The following NLGN1 variants were observed in gnomAD, a reference collection of about 807,000 sequenced individuals.
The protein encoded by NLGN1 is neuroligin-1.
NLGN1 carries 12 observed loss-of-function variants against 65.5 expected under a neutral mutation model. The observed-to-expected ratio is 0.18, with a 90% CI of 0.12 to 0.30. The LOEUF (loss-of-function observed/expected upper bound fraction) is 0.30. Ranked by LOEUF, NLGN1 falls within the 10% of genes least tolerant of loss-of-function variation. NLGN1 has a pLI of 1.00. For missense variants in NLGN1, 750 were observed against 1,007.1 expected (o/e 0.74, Z 3.46); for synonymous variants, 350 against 359.5 (o/e 0.97, Z 0.30).
intron 2 of NLGN1, among the ~76,000 whole-genome samples, chr3:173,484,534 G>A (rs951429783): frequency 6.6e-6 from 1 of 151,728 alleles, no homozygotes; most frequent in Non-Finnish European, 1.5e-5. Flanking sequence ...TAGATGCAAT[G>A]CATATTTCTC....
chr3:173,591,088 T>G (rs1025986433), intron 2 of NLGN1, among the ~76,000 whole-genome samples: 1 of 152,162 alleles, frequency 6.6e-6, no homozygotes, highest in African/African-American at 2.4e-5. Context: ...TTAAGATCTT[T>G]TTCCATTTTG....
intron 3 of NLGN1, among the ~76,000 whole-genome samples, chr3:173,712,322 TAGAA>T (rs1340348331): frequency 6.6e-6 from 1 of 152,142 alleles, no homozygotes; most frequent in East Asian, 1.9e-4. Flanking sequence ...TATGAAGTAA[TAGAA>T]AGGGGATTTA....
intron 3 of NLGN1, among the ~76,000 whole-genome samples, chr3:173,780,818 T>G (rs1450035663): frequency 1.3e-5 from 2 of 152,126 alleles, no homozygotes; most frequent in African/African-American, 4.8e-5. Context: ...ATTTTAATGA[T>G]GAAAATAATA....
intron 4 of NLGN1, among the ~76,000 whole-genome samples, chr3:174,173,113 G>A (rs1728847899): frequency 2.0e-5 from 3 of 151,786 alleles, no homozygotes; most frequent in South Asian, 2.1e-4. Context: ...TTTTTCAGAT[G>A]GTTGGCTGTT....
At chr3:173,467,650 T>C (rs572295881) in intron 2 of NLGN1, among the ~76,000 whole-genome samples, 31 of 152,286 alleles carry the variant, frequency 2.0e-4, no homozygotes, top group Non-Finnish European at 4.1e-4. Flanking sequence ...ATCATGTTTA[T>C]AAGTGAGATA....
intron 4 of NLGN1, among the ~76,000 whole-genome samples, chr3:173,896,986 A>T (rs1318423258): frequency 6.6e-6 from 1 of 152,126 alleles, no homozygotes; most frequent in African/African-American, 2.4e-5. Context: ...TCAACACCTC[A>T]CTATAAACTA....
intron 3 of NLGN1, among the ~76,000 whole-genome samples, chr3:173,758,649 T>C (rs1777489590): frequency 6.6e-6 from 1 of 151,990 alleles, no homozygotes; most frequent in East Asian, 1.9e-4. Context: ...AACATATCCT[T>C]ATTCTTCAAC....
chr3:174,000,455 C>A (rs558063004), intron 4 of NLGN1, among the ~76,000 whole-genome samples: 1 of 152,110 alleles, frequency 6.6e-6, no homozygotes, highest in South Asian at 2.1e-4. Context: ...GGTATGGAGG[C>A]AAGGTGAGTT....
chr3:173,501,405 A>T (rs1290159261), intron 2 of NLGN1, among the ~76,000 whole-genome samples: 3 of 152,132 alleles, frequency 2.0e-5, no homozygotes. Flanking sequence ...AGACTTTCAC[A>T]GCATCCAGTA....
intron 4 of NLGN1, among the ~76,000 whole-genome samples, chr3:174,136,923 C>T (rs1225123900): frequency 1.3e-5 from 2 of 151,992 alleles, no homozygotes; most frequent in South Asian, 2.1e-4. Flanking sequence ...TTGAAAATAC[C>T]GTAAATGGAA....
At chr3:173,842,221 C>T (rs909558705) in intron 4 of NLGN1, among the ~76,000 whole-genome samples, 5 of 152,180 alleles carry the variant, frequency 3.3e-5, no homozygotes, top group Non-Finnish European at 7.3e-5. Flanking sequence ...CCACATAATT[C>T]AATCACCTCC....
intron 2 of NLGN1, among the ~76,000 whole-genome samples, chr3:173,541,419 AAAG>A (rs1309632833): frequency 7.2e-5 from 11 of 152,154 alleles, no homozygotes; most frequent in Non-Finnish European, 1.2e-4. Flanking sequence ...GTGGTGCAAA[AAAG>A]AAGGTGAAGA....
chr3:174,013,951 G>A (rs1159102860), intron 4 of NLGN1, among the ~76,000 whole-genome samples: 1 of 152,034 alleles, frequency 6.6e-6, no homozygotes, highest in Non-Finnish European at 1.5e-5. Flanking sequence ...CTGGGCTCAA[G>A]TGGTCCTCTC....
At chr3:173,925,979 A>G (rs185218909) in intron 4 of NLGN1, among the ~76,000 whole-genome samples, 38 of 152,140 alleles carry the variant, frequency 2.5e-4, no homozygotes, top group Admixed American at 2.3e-3. Flanking sequence ...TTTAGCTGTC[A>G]TTCATTCTTA....
chr3:173,675,016 A>G (rs1050326919), intron 3 of NLGN1, among the ~76,000 whole-genome samples: 2 of 152,046 alleles, frequency 1.3e-5, no homozygotes, highest in Non-Finnish European at 2.9e-5. Flanking sequence ...TCAGTGTGGT[A>G]GCATTATTTT....
chr3:174,172,677 G>A (rs1342638141), intron 4 of NLGN1, among the ~76,000 whole-genome samples: 2 of 152,044 alleles, frequency 1.3e-5, no homozygotes, highest in East Asian at 1.9e-4. Flanking sequence ...CTGGGTCTAT[G>A]TGTCTGTTCT....
At chr3:173,584,481 A>G (rs1746980403) in intron 2 of NLGN1, 1 of 149,172 alleles carries the variant, frequency 6.7e-6, no homozygotes, top group Non-Finnish European at 1.5e-5. Context: ...AAAAGAAAGA[A>G]AGAAAGAAAC....
chr3:174,154,218 C>T (rs1426015795), intron 4 of NLGN1, among the ~76,000 whole-genome samples: 1 of 151,994 alleles, frequency 6.6e-6, no homozygotes, highest in African/African-American at 2.4e-5. Flanking sequence ...GAAAATGAAT[C>T]ACCAAAGAGT....
chr3:173,549,891 C>A (rs897424115), intron 2 of NLGN1, among the ~76,000 whole-genome samples: 10 of 152,054 alleles, frequency 6.6e-5, no homozygotes, highest in African/African-American at 2.2e-4. Context: ...AAAAGCTAAC[C>A]TTTTCCAGTG....
Sources: gnomAD v4.1 joint callset for allele counts (sites outside exome capture counted in the v4.1 genomes callset) on GRCh38, gnomAD v4.1.1 for gene constraint, MANE v1.5 for transcripts, NCBI Gene and HGNC (gene_info 2026-07-23, HGNC 2026-07-21) for gene names.